Variants in PUM3 observed in about 807,000 individuals in gnomAD.
PUM3 encodes the protein pumilio homolog 3.
A neutral mutation model predicts 84.0 loss-of-function variants in PUM3; 91 were observed. The observed-to-expected ratio is 1.08, with a 90% CI of 0.91 to 1.29. The LOEUF is 1.29. PUM3 is among the 50% of genes most tolerant of loss of function. The probability of loss-of-function intolerance (pLI) is 0.00; values close to 1 mark genes in which losing one functional copy is unlikely to be tolerated. For missense variants in PUM3, 1,067 were observed against 767.5 expected, an observed-to-expected ratio of 1.39 and a Z score of -4.61; for synonymous variants, 321 against 266.7, an observed-to-expected ratio of 1.20 and a Z score of -1.98.
In PUM3 at chr9:2,837,360, T is replaced by C. The variant is rs762156382; in HGVS notation, c.124A>G (p.Lys42Glu). 6.2e-7 allele frequency: 1 copy of C among 1,613,828 alleles called. No individual in the cohort carries two copies. Among genetic ancestry groups the C allele is most frequent in the Non-Finnish European group, 8.5e-7 (1 of 1,179,798 alleles). ...SKTFPTRKVAKEGGPKVTSRN... is the reference protein window; with the variant it reads ...SKTFPTRKVAEEGGPKVTSRN... ...GATGTGACTTTAGGTCCACCTTCTTTAGCAACTTTCCTTGTTGGAAATGTC... is the reference window on the plus strand; with the variant it reads ...GATGTGACTTTAGGTCCACCTTCTTCAGCAACTTTCCTTGTTGGAAATGTC... Residue 42 changes from lysine to glutamate, a missense_variant, in exon 3 of 18, where the codon AAA becomes GAA. Coordinates refer to ENST00000397885, the MANE Select transcript of PUM3 (RefSeq NM_014878.5).
At chr9:2,815,217 G>A (rs1821447225) in intron 13 of PUM3, among the ~76,000 whole-genome samples, 2 of 152,142 alleles carry the variant, frequency 1.3e-5, no homozygotes, top group Non-Finnish European at 2.9e-5. Context: ...TCTTCAAAAT[G>A]TAGTATCATT....
At chr9:2,833,231 T>A (rs1347744329) in intron 5 of PUM3, 126 bp downstream of exon 5, 1 of 495,244 alleles carries the variant, frequency 2.0e-6, no homozygotes, top group Non-Finnish European at 3.6e-6. Flanking sequence ...ATGGAAGATA[T>A]TTAAAACTTT....
intron 13 of PUM3, among the ~76,000 whole-genome samples, chr9:2,817,646 G>T (rs1161480866): frequency 6.6e-6 from 1 of 152,130 alleles, no homozygotes; most frequent in Non-Finnish European, 1.5e-5. Context: ...AAAGGATAAG[G>T]AAATGCAGAT....
At chr9:2,827,036 C>G (rs1468589950) in intron 10 of PUM3, 37 bp downstream of exon 10, 1 of 1,533,492 alleles carries the variant, frequency 6.5e-7, no homozygotes, top group South Asian at 1.2e-5. Flanking sequence ...CGCTCCTCCT[C>G]CATGTTTTAG....
chr9:2,839,558 C>T (rs1816214258), intron 1 of PUM3, among the ~76,000 whole-genome samples: 1 of 152,160 alleles, frequency 6.6e-6, no homozygotes, highest in South Asian at 2.1e-4. Context: ...CAGGATTTTC[C>T]AACTCCAGTT....
chr9:2,842,122 T>G (rs1422620234), intron 1 of PUM3, among the ~76,000 whole-genome samples: 2 of 152,220 alleles, frequency 1.3e-5, no homozygotes, highest in Non-Finnish European at 2.9e-5. Flanking sequence ...CTTTTTGCAC[T>G]GGGCAAAATG....
At chr9:2,833,794 A>C (rs922945903) in intron 4 of PUM3, among the ~76,000 whole-genome samples, 2 of 152,234 alleles carry the variant, frequency 1.3e-5, no homozygotes, top group African/African-American at 4.8e-5. Context: ...AAGAATGTCA[A>C]ATTTATTTCA....
intron 15 of PUM3, among the ~76,000 whole-genome samples, chr9:2,810,871 G>A (rs935949118): frequency 1.3e-5 from 2 of 152,168 alleles, no homozygotes; most frequent in African/African-American, 2.4e-5. Flanking sequence ...TCTGATGAGC[G>A]AATCAAGAAA....
intron 10 of PUM3, among the ~76,000 whole-genome samples, chr9:2,825,456 T>C (rs1815790224): frequency 6.6e-6 from 1 of 152,172 alleles, no homozygotes; most frequent in Non-Finnish European, 1.5e-5. Flanking sequence ...TTAGCCTTCA[T>C]TTTCCATGTA....
intron 1 of PUM3, among the ~76,000 whole-genome samples, chr9:2,842,206 C>T (rs953623360): frequency 6.6e-6 from 1 of 152,022 alleles, no homozygotes; most frequent in African/African-American, 2.4e-5. Context: ...TGGAATTCGC[C>T]CCCCTTTTTC....
intron 3 of PUM3, among the ~76,000 whole-genome samples, chr9:2,834,949 A>ATCTTTTGG (rs1043234203): frequency 2.0e-5 from 3 of 151,498 alleles, no homozygotes; most frequent in African/African-American, 7.3e-5. Flanking sequence ...CTGGCACAGA[A>ATCTTTTGG]TCTTTTGGGG....
chr9:2,824,005 A>G (rs970670278), intron 11 of PUM3, among the ~76,000 whole-genome samples, 171 bp from the exon 12 acceptor site: 3 of 152,188 alleles, frequency 2.0e-5, no homozygotes, highest in African/African-American at 7.2e-5. Context: ...ATACCAAAGA[A>G]GTTGGCTTAG....
At chr9:2,843,048 C>T (rs1205235641) in intron 1 of PUM3, among the ~76,000 whole-genome samples, 1 of 152,152 alleles carries the variant, frequency 6.6e-6, no homozygotes, top group Non-Finnish European at 1.5e-5. Context: ...TCTTGAGCTT[C>T]CAAATGTAAT....
intron 3 of PUM3, among the ~76,000 whole-genome samples, chr9:2,836,964 CTAAGG>C (rs1384232339): frequency 6.6e-6 from 1 of 152,106 alleles, no homozygotes; most frequent in Admixed American, 6.5e-5. Context: ...AACTCCATGG[CTAAGG>C]TAATTCAGAA....
In PUM3 at chr9:2,804,601, A is replaced by G. The variant is rs147225256; in HGVS notation, c.1815-138T>C. The G allele has an allele frequency of 1.9e-4, 154 of 800,922 alleles. No individual in the cohort carries two copies. In the African/African-American group the frequency reaches 2.0e-3, roughly 10 times the overall value. The allele number at this position is 800,922 out of a possible 1,614,324, so 49.6% of individuals were successfully genotyped here. On this transcript the variant is annotated intron_variant, in intron 17 of 17. Coordinates refer to ENST00000397885, the MANE Select transcript of PUM3 (RefSeq NM_014878.5). The stretch of plus-strand genomic sequence containing the variant: ...ATACACATTATTTTTCATTCAAAGG[A>G]TGAATGATGAGACCAGTAGCCCATA...
chr9:2,825,655 G>T (rs1027008489), intron 10 of PUM3, among the ~76,000 whole-genome samples: 15 of 151,944 alleles, frequency 9.9e-5, no homozygotes, highest in African/African-American at 3.6e-4. Context: ...GCTAATTTTT[G>T]TATTTTAGTA....
intron 15 of PUM3, among the ~76,000 whole-genome samples, chr9:2,810,819 G>T (rs552777468): frequency 3.3e-5 from 5 of 152,286 alleles, no homozygotes; most frequent in Admixed American, 3.3e-4. Flanking sequence ...AAAACCCAAT[G>T]CTGCATGCTG....
Position 2,820,039 on chromosome 9 carries a change from A to G in PUM3, c.1248T>C (p.Leu416=). Residue 416 remains leucine, a synonymous_variant, in exon 13 of 18, where the codon CTT becomes CTC. Coordinates refer to ENST00000397885, the MANE Select transcript of PUM3 (RefSeq NM_014878.5). ...TTACTGATATGATTATCTGCTTCAC[A>G]AGCTTAGTATCATCAATACAATCAA... ...AAFDCIDDTK[L]VKQIIISEII... The G allele has an allele frequency of 1.2e-6, 2 of 1,610,588 alleles. No homozygotes were observed. The highest frequency in any genetic ancestry group is 1.7e-6 in the Non-Finnish European group (2 of 1,177,154).
At chr9:2,824,296 T>C (rs936010713) in intron 11 of PUM3, among the ~76,000 whole-genome samples, 2 of 152,218 alleles carry the variant, frequency 1.3e-5, no homozygotes, top group African/African-American at 4.8e-5. Flanking sequence ...ACTTCTGTGA[T>C]TAATAAGGAT....
Sources: allele counts gnomAD v4.1 joint callset (sites outside exome capture counted in the v4.1 genomes callset), GRCh38; gene constraint gnomAD v4.1.1; transcripts MANE v1.5; gene names NCBI Gene and HGNC (gene_info 2026-07-23, HGNC 2026-07-21).